The following NTRK3 variants were observed in gnomAD, a reference collection of about 807,000 sequenced individuals.
NTRK3 encodes the protein neurotrophic receptor tyrosine kinase 3.
In NTRK3, 24 loss-of-function variants were observed where a neutral mutation model predicts 91.7. The ratio of observed to expected loss-of-function variants is 0.26; its 90% CI spans 0.19 to 0.37. NTRK3 has a LOEUF of 0.37. NTRK3 is among the 10% of genes least tolerant of loss of function. The pLI, the probability that NTRK3 is intolerant of heterozygous loss-of-function variation, is 1.00. For synonymous variants in NTRK3, 483 were observed against 404.0 expected (o/e 1.20, Z -2.34); for missense variants, 880 against 1,068.9 (o/e 0.82, Z 2.46).
intron 5 of NTRK3, among the ~76,000 whole-genome samples, chr15:88,159,645 G>A (rs916337714): frequency 6.6e-6 from 1 of 152,302 alleles, no homozygotes; most frequent in East Asian, 1.9e-4. Flanking sequence ...ATAAGGAAAT[G>A]AAAGAGTCAT....
chr15:88,104,049 C>G (rs1202201082), intron 13 of NTRK3, among the ~76,000 whole-genome samples: 1 of 152,178 alleles, frequency 6.6e-6, no homozygotes, highest in Non-Finnish European at 1.5e-5. Flanking sequence ...CCCAAATAGC[C>G]AGGCATCTGG....
rs561950963 is a variant in NTRK3 at position 88,241,972 on chromosome 15, C to T, written c.248+13934G>A. Among the ~76,000 whole-genome samples, 5 of 152,298 alleles carry T rather than the reference C, an allele frequency of 3.3e-5. No individual in the cohort carries two copies. In the South Asian group the frequency reaches 6.2e-4, roughly 19 times the overall value. ...GAGACCTCAGGGGTCCTGCTCTCCA[C>T]GGCTTTCCCAGCTCTCCCAAGTGGC... is the stretch of plus-strand genomic sequence containing the variant. On this transcript the variant is annotated intron_variant, in intron 3 of 18. Transcript: ENST00000394480. The surrounding 1 kb of genome is among the most constrained non-coding windows in gnomAD (Gnocchi z 4.3).
chr15:88,236,056 C>T (rs2051695728), intron 3 of NTRK3, among the ~76,000 whole-genome samples: 1 of 152,184 alleles, frequency 6.6e-6, no homozygotes, highest in African/African-American at 2.4e-5. Flanking sequence ...TAAAGTTAAA[C>T]ATAAATTTAT....
At chr15:88,090,734 C>G (rs894675754) in intron 13 of NTRK3, among the ~76,000 whole-genome samples, 5 of 152,138 alleles carry the variant, frequency 3.3e-5, no homozygotes, top group African/African-American at 1.2e-4. Context: ...CTCCTTACCC[C>G]ACAACCCCTG....
chr15:87,891,536 GGTTTTA>G (rs1567076067), intron 17 of NTRK3, among the ~76,000 whole-genome samples: 1 of 151,994 alleles, frequency 6.6e-6, no homozygotes, highest in Non-Finnish European at 1.5e-5. Flanking sequence ...ATTTCTGTTT[GGTTTTA>G]GTTTATCTTT....
chr15:87,884,946 T>A (rs1490282830), intron 17 of NTRK3, among the ~76,000 whole-genome samples: 1 of 151,912 alleles, frequency 6.6e-6, no homozygotes, highest in African/African-American at 2.4e-5. Flanking sequence ...AAGCAAGAAT[T>A]TTTTAAATGA....
At position 88,243,419 on chromosome 15, in the gene NTRK3, C is replaced by T. The variant is rs751271453; in HGVS notation, c.248+12487G>A. Among the ~76,000 whole-genome samples the T allele has an allele frequency of 2.0e-5, 3 of 152,062 alleles. No homozygotes were observed. The highest frequency in any genetic ancestry group is 4.4e-5 in the Non-Finnish European group (3 of 68,006). On this transcript the variant is annotated intron_variant, in intron 3 of 18. Transcript: ENST00000394480. This position sits in a 1 kb window ranked among gnomAD's most constrained non-coding sequence, Gnocchi z 4.8. ...GGATGAGAGCCAGGGTCACCCCAAA[C>T]CAGCCTCAGAGCTACTCCTCTGCTG...
chr15:88,142,216 G>T (rs2042450201), intron 6 of NTRK3, among the ~76,000 whole-genome samples: 1 of 152,128 alleles, frequency 6.6e-6, no homozygotes, highest in Non-Finnish European at 1.5e-5. Flanking sequence ...TCTCAAGCAG[G>T]GGAGCCTTTA....
intron 13 of NTRK3, among the ~76,000 whole-genome samples, chr15:88,049,517 C>T (rs982968563): frequency 3.9e-5 from 6 of 152,092 alleles, no homozygotes; most frequent in Non-Finnish European, 5.9e-5. Flanking sequence ...ATTAGCTGAT[C>T]CTGACACTGA....
At chr15:88,102,953 T>C (rs2050329994) in intron 13 of NTRK3, among the ~76,000 whole-genome samples, 1 of 152,184 alleles carries the variant, frequency 6.6e-6, no homozygotes, top group Non-Finnish European at 1.5e-5. Context: ...CCTTTGGTAG[T>C]AATACGAAAA....
exon 19 of NTRK3, chr15:87,869,645 G>C (rs1031884480): frequency 9.8e-6 from 2 of 204,736 alleles, no homozygotes; most frequent in African/African-American, 4.6e-5. Context: ...GAGGATAGAA[G>C]CCAAAAGAAA....
At chr15:87,949,265 C>A (rs760924341) in intron 14 of NTRK3, among the ~76,000 whole-genome samples, 4 of 151,980 alleles carry the variant, frequency 2.6e-5, no homozygotes, top group Non-Finnish European at 5.9e-5. Context: ...GAGAATGGCC[C>A]GAGGAACCAA....
At chr15:88,028,226 T>C (rs1034872303) in intron 14 of NTRK3, among the ~76,000 whole-genome samples, 2 of 152,114 alleles carry the variant, frequency 1.3e-5, no homozygotes, top group African/African-American at 4.8e-5. Context: ...CGCCATCCCA[T>C]GTCTTGGTGT....
chr15:87,986,693 G>C (rs1168467108), intron 14 of NTRK3, among the ~76,000 whole-genome samples: 1 of 152,132 alleles, frequency 6.6e-6, no homozygotes, highest in Non-Finnish European at 1.5e-5. Context: ...ACTGACACTT[G>C]TTTCTATCTT....
intron 14 of NTRK3, among the ~76,000 whole-genome samples, chr15:88,020,812 ACC>A (rs2077543865): frequency 6.6e-6 from 1 of 151,608 alleles, no homozygotes; most frequent in African/African-American, 2.4e-5. Context: ...ATCCTCTGTA[ACC>A]CCCTAGTTCA....
chr15:88,070,300 C>A (rs1207055583), intron 13 of NTRK3, among the ~76,000 whole-genome samples: 2 of 152,046 alleles, frequency 1.3e-5, no homozygotes, highest in Non-Finnish European at 1.5e-5. Context: ...CCAGAGACAG[C>A]AAGAGCCCTC....
chr15:88,029,878 G>A (rs890627313), intron 14 of NTRK3, among the ~76,000 whole-genome samples: 4 of 152,242 alleles, frequency 2.6e-5, no homozygotes, highest in Non-Finnish European at 5.9e-5. Context: ...GGCTCAGCCA[G>A]TAAATCTCTG....
chr15:88,042,991 C>T (rs971084726), intron 13 of NTRK3, among the ~76,000 whole-genome samples: 1 of 152,226 alleles, frequency 6.6e-6, no homozygotes, highest in Non-Finnish European at 1.5e-5. Context: ...CACTCCCAAC[C>T]TTTACTCTCT....
At chr15:87,958,316 T>G (rs1353833481) in intron 14 of NTRK3, among the ~76,000 whole-genome samples, 1 of 152,144 alleles carries the variant, frequency 6.6e-6, no homozygotes, top group African/African-American at 2.4e-5. Flanking sequence ...CCACCTCAAC[T>G]CTGAGCATCC....
Sources: allele counts gnomAD v4.1 joint callset (sites outside exome capture counted in the v4.1 genomes callset), GRCh38; gene constraint gnomAD v4.1.1; non-coding constraint Gnocchi (gnomAD v3.1); transcripts MANE v1.5; gene names NCBI Gene and HGNC (gene_info 2026-07-23, HGNC 2026-07-21).